Variants in FAM227B observed in about 807,000 individuals in gnomAD.
The protein encoded by FAM227B is family with sequence similarity 227 member B.
A neutral mutation model predicts 73.8 loss-of-function variants in FAM227B; 88 were observed. That is an observed-to-expected ratio of 1.19 (90% CI 1.00 to 1.42). The LOEUF is 1.42. FAM227B is among the 40% of genes most tolerant of loss of function. The probability of loss-of-function intolerance (pLI) is 0.00; values close to 1 mark genes in which losing one functional copy is unlikely to be tolerated. For synonymous variants in FAM227B, 210 were observed against 190.5 expected, an observed-to-expected ratio of 1.10 and a Z score of -0.84; for missense variants, 632 against 590.9, an observed-to-expected ratio of 1.07 and a Z score of -0.72.
intron 11 of FAM227B, chr15:49,486,951 G>A (rs1029434840): frequency 7.2e-5 from 11 of 151,842 alleles, no homozygotes; most frequent in Non-Finnish European, 1.0e-4. Context: ...CTAAGGTCAC[G>A]CAGCTGGGTA....
chr15:49,422,932 C>A (rs2049812392), intron 11 of FAM227B, among the ~76,000 whole-genome samples: 1 of 152,052 alleles, frequency 6.6e-6, no homozygotes, highest in African/African-American at 2.4e-5. Flanking sequence ...TATTAAAAAA[C>A]CCTATATATA....
At chr15:49,341,691 A>C (rs2040753603) in intron 13 of FAM227B, among the ~76,000 whole-genome samples, 1 of 152,144 alleles carries the variant, frequency 6.6e-6, no homozygotes, top group Admixed American at 6.5e-5. Flanking sequence ...TTAGTGCTAT[A>C]AACTTTTGTC....
chr15:49,397,099 A>T (rs916997133), intron 11 of FAM227B, among the ~76,000 whole-genome samples: 1 of 152,172 alleles, frequency 6.6e-6, no homozygotes, highest in African/African-American at 2.4e-5. Context: ...AAAACCTTGA[A>T]AAAAATTTAG....
At chr15:49,594,258 A>G (rs12913379) in intron 3 of FAM227B, among the ~76,000 whole-genome samples, 16,384 of 151,884 alleles carry the variant, frequency 0.11, 1,243 homozygotes, top group East Asian at 0.36. Flanking sequence ...TCCTTAGCCC[A>G]CTTTTTGATG....
At chr15:49,391,788 C>T (rs759803736) in intron 11 of FAM227B, among the ~76,000 whole-genome samples, 2 of 152,124 alleles carry the variant, frequency 1.3e-5, no homozygotes, top group African/African-American at 2.4e-5. Context: ...TATTGATTTA[C>T]AATTTTGACT....
intron 10 of FAM227B, among the ~76,000 whole-genome samples, chr15:49,532,211 G>T (rs1171040707): frequency 1.3e-5 from 2 of 151,528 alleles, no homozygotes; most frequent in Non-Finnish European, 3.0e-5. Context: ...AATGTCAGTT[G>T]CCACTATTTG....
intron 9 of FAM227B, among the ~76,000 whole-genome samples, chr15:49,554,480 G>A (rs1026074611): frequency 2.6e-5 from 4 of 152,158 alleles, no homozygotes; most frequent in Non-Finnish European, 5.9e-5. Flanking sequence ...TGACCGCTGG[G>A]ATCCACAATT....
chr15:49,356,138 G>T (rs1596468298), intron 13 of FAM227B, among the ~76,000 whole-genome samples: 1 of 152,170 alleles, frequency 6.6e-6, no homozygotes, highest in East Asian at 1.9e-4. Context: ...GTAAAATCAT[G>T]CCAAAATGTA....
intron 13 of FAM227B, among the ~76,000 whole-genome samples, chr15:49,336,972 T>C (rs1440786975): frequency 1.3e-5 from 2 of 152,228 alleles, no homozygotes; most frequent in African/African-American, 4.8e-5. Flanking sequence ...TGTTATTTAC[T>C]TAGGATAATG....
chr15:49,479,284 T>A (rs1426279406), intron 11 of FAM227B, among the ~76,000 whole-genome samples: 1 of 152,192 alleles, frequency 6.6e-6, no homozygotes, highest in Non-Finnish European at 1.5e-5. Flanking sequence ...TCTACCATTA[T>A]GCTATCATGG....
At chr15:49,558,860 T>G (rs1298409766) in intron 9 of FAM227B, among the ~76,000 whole-genome samples, 1 of 152,002 alleles carries the variant, frequency 6.6e-6, no homozygotes, top group African/African-American at 2.4e-5. Flanking sequence ...GGGCCCAAAG[T>G]CAGGCTGACC....
intron 11 of FAM227B, among the ~76,000 whole-genome samples, chr15:49,495,204 G>A (rs1330036772): frequency 1.3e-5 from 2 of 152,138 alleles, no homozygotes; most frequent in Admixed American, 6.5e-5. Flanking sequence ...ATTTGCAGGC[G>A]ATCTTATGGT....
At chr15:49,531,519 A>G (rs1022663149) in intron 10 of FAM227B, among the ~76,000 whole-genome samples, 1 of 152,024 alleles carries the variant, frequency 6.6e-6, no homozygotes, top group Non-Finnish European at 1.5e-5. Flanking sequence ...ATATAAAAAC[A>G]CAAAATATCT....
intron 11 of FAM227B, among the ~76,000 whole-genome samples, chr15:49,503,377 T>C (rs1217682142): frequency 6.6e-6 from 1 of 152,228 alleles, no homozygotes; most frequent in African/African-American, 2.4e-5. Context: ...AAGGACTTCA[T>C]GTCTAAAACA....
chr15:49,431,265 G>A (rs1010184652), intron 11 of FAM227B, among the ~76,000 whole-genome samples: 12 of 151,708 alleles, frequency 7.9e-5, no homozygotes, highest in African/African-American at 2.9e-4. Flanking sequence ...TTGGAAAATT[G>A]TGTTAAAGAG....
At chr15:49,476,627 A>C (rs1567352616) in intron 11 of FAM227B, among the ~76,000 whole-genome samples, 3 of 152,080 alleles carry the variant, frequency 2.0e-5, no homozygotes, top group African/African-American at 2.4e-5. Context: ...TGTTCTATAT[A>C]TTTTGGACAT....
At chr15:49,329,033 T>C in intron 15 of FAM227B, 16 of 1,006,234 alleles carry the variant, frequency 1.6e-5, no homozygotes, top group Non-Finnish European at 1.9e-5. Flanking sequence ...TTTCTACTAC[T>C]TTTTCTCAAA....
chr15:49,377,816 T>A (rs147019164), intron 11 of FAM227B, among the ~76,000 whole-genome samples: 43 of 152,280 alleles, frequency 2.8e-4, no homozygotes, highest in African/African-American at 1.0e-3. Flanking sequence ...GGTTGTCTCT[T>A]CACTTTGTTG....
chr15:49,518,882 C>T (rs755804966), intron 10 of FAM227B, among the ~76,000 whole-genome samples: 1 of 152,184 alleles, frequency 6.6e-6, no homozygotes. Context: ...CAACTCATTC[C>T]ACCATTAACT....
Sources: allele counts gnomAD v4.1 joint callset (sites outside exome capture counted in the v4.1 genomes callset), GRCh38; gene constraint gnomAD v4.1.1; transcripts MANE v1.5; gene names NCBI Gene and HGNC (gene_info 2026-07-23, HGNC 2026-07-21).